The following LRPPRC variants were observed in gnomAD, a reference collection of about 807,000 sequenced individuals.
LRPPRC encodes leucine rich pentatricopeptide repeat containing, also known as leucine-rich PPR motif-containing protein, mitochondrial.
A neutral mutation model predicts 180.3 loss-of-function variants in LRPPRC; 120 were observed. The observed-to-expected ratio is 0.67, with a 90% CI of 0.57 to 0.77. The LOEUF is 0.77. LRPPRC is among the 30% of genes least tolerant of loss of function. The pLI, the probability that LRPPRC is intolerant of heterozygous loss-of-function variation, is 0.00. For synonymous variants in LRPPRC, 723 were observed against 600.0 expected, an observed-to-expected ratio of 1.21 and a Z score of -3.00; for missense variants, 2,012 against 1,657.2, an observed-to-expected ratio of 1.21 and a Z score of -3.72.
chr2:43,928,867 A>G (rs370312868), intron 25 of LRPPRC, among the ~76,000 whole-genome samples: 1 of 152,196 alleles, frequency 6.6e-6, no homozygotes, highest in East Asian at 1.9e-4. Context: ...TGTGCAGTCA[A>G]AAATCCACAT....
chr2:43,975,417 AAAT>A (rs925129892), intron 6 of LRPPRC, among the ~76,000 whole-genome samples, 200 bp from the exon 7 acceptor site: 6 of 152,300 alleles, frequency 3.9e-5, no homozygotes, highest in Admixed American at 1.3e-4. Context: ...CCCCATTAAA[AAAT>A]AATAATAATT....
chr2:43,965,586 C>T lies in LRPPRC; in HGVS notation c.1370-1880G>A, dbSNP rs532493292. On this transcript the variant is annotated intron_variant, in intron 11 of 37. Coordinates refer to ENST00000260665, the MANE Select transcript of LRPPRC (RefSeq NM_133259.4). ...AAATGAAAAGGCGACCTATGGAATG[C>T]GAGAAAATATTTGCAAACCACGTAT... Among the ~76,000 whole-genome samples the T allele has an allele frequency of 2.6e-5, 4 of 152,086 alleles. No individual in the cohort carries two copies. In the South Asian group the frequency reaches 6.2e-4, roughly 24 times the overall value.
At chr2:43,964,789 T>C (rs187148172) in intron 11 of LRPPRC, among the ~76,000 whole-genome samples, 2 of 152,342 alleles carry the variant, frequency 1.3e-5, no homozygotes, top group East Asian at 1.9e-4. Context: ...TACCTAATAC[T>C]GGCCTAAAAA....
At position 43,889,855 on chromosome 2, in the gene LRPPRC, G is replaced by C. The variant is rs1022634965; in HGVS notation, c.4007C>G (p.Ser1336Cys). 1.2e-6 allele frequency: 2 copies of C among 1,608,376 alleles called. No homozygotes were observed. The highest frequency in any genetic ancestry group is 2.7e-5 in the African/African-American group (2 of 74,830). The change falls in exon 37 of 38, where the codon TCT (serine) becomes TGT (cysteine). Residue 1336 changes from serine to cysteine, a missense_variant. By Grantham distance (112) the Ser-to-Cys change is moderately radical (BLOSUM62 -1). Transcript: ENST00000260665. The part of the protein sequence containing the change: ...KSYVSEKDVT[S>C]AKALYEHLTA... ...CAAATGTTCATACAGTGCTTTAGCA[G>C]ATGTGACATCTTTCTCTGAGACTGA...
At chr2:43,925,710 T>G (rs1671853085) in intron 26 of LRPPRC, among the ~76,000 whole-genome samples, 183 bp downstream of exon 26, 1 of 152,166 alleles carries the variant, frequency 6.6e-6, no homozygotes, top group Non-Finnish European at 1.5e-5. Context: ...GTTAACAGTT[T>G]AGGGTTTCTA....
intron 31 of LRPPRC, chr2:43,904,441 C>G (rs983379112): frequency 1.3e-5 from 2 of 152,016 alleles, no homozygotes; most frequent in Non-Finnish European, 2.9e-5. Flanking sequence ...GCCTGTAATC[C>G]CAGCACTTTG....
chr2:43,915,053 CAAAAAAA>C (rs71393213), intron 29 of LRPPRC, among the ~76,000 whole-genome samples: 2 of 96,892 alleles, frequency 2.1e-5, no homozygotes, highest in South Asian at 3.4e-4. Flanking sequence ...ACTAAAAATA[CAAAAAAA>C]AAAAAAAAAA....
intron 3 of LRPPRC, among the ~76,000 whole-genome samples, chr2:43,979,144 AC>A (rs1674189649): frequency 6.8e-6 from 1 of 147,284 alleles, no homozygotes; most frequent in East Asian, 1.9e-4. Context: ...GTACTATGTT[AC>A]ATGACATAAA....
At chr2:43,958,024 CTGAG>C (rs1156328477) in intron 13 of LRPPRC, among the ~76,000 whole-genome samples, 1 of 152,190 alleles carries the variant, frequency 6.6e-6, no homozygotes, top group Non-Finnish European at 1.5e-5. Context: ...TTTCACTTTT[CTGAG>C]TATTTGTTTG....
intron 11 of LRPPRC, 169 bp from the exon 12 acceptor site, chr2:43,963,875 A>C (rs1673453003): frequency 1.6e-6 from 1 of 636,132 alleles, no homozygotes. Context: ...TGATAAAAAA[A>C]TTAACTCCTC....
chr2:43,893,551 C>T (rs4500989), intron 36 of LRPPRC, among the ~76,000 whole-genome samples: 94,602 of 152,106 alleles, frequency 0.62, 31,389 homozygotes, highest in East Asian at 0.95. Context: ...TTAGCAATAT[C>T]TTAAAATTAA....
chr2:43,935,065 G>T (rs1250633215), intron 23 of LRPPRC, among the ~76,000 whole-genome samples, 187 bp from the exon 24 acceptor site: 2 of 152,120 alleles, frequency 1.3e-5, no homozygotes, highest in East Asian at 3.9e-4. Flanking sequence ...TAAATGTTCA[G>T]AAAACATACA....
At chr2:43,923,702 G>GTTT (rs796502073) in intron 27 of LRPPRC, among the ~76,000 whole-genome samples, 4 of 137,610 alleles carry the variant, frequency 2.9e-5, no homozygotes, top group African/African-American at 2.7e-5. Flanking sequence ...GGGCTTCATA[G>GTTT]TTTTTTTTTT....
chr2:43,925,677 A>G (rs1038404430), intron 26 of LRPPRC, among the ~76,000 whole-genome samples: 3 of 152,206 alleles, frequency 2.0e-5, no homozygotes, highest in African/African-American at 7.2e-5. Flanking sequence ...CAACTAGTTA[A>G]AGATAATATC....
intron 34 of LRPPRC, among the ~76,000 whole-genome samples, chr2:43,898,640 T>C (rs1038833225): frequency 6.6e-6 from 1 of 152,204 alleles, no homozygotes; most frequent in Non-Finnish European, 1.5e-5. Flanking sequence ...GTTGCTAATT[T>C]AACTGAGAGT....
chr2:43,908,664 T>C (rs754648655), intron 30 of LRPPRC, among the ~76,000 whole-genome samples: 4 of 151,778 alleles, frequency 2.6e-5, no homozygotes, highest in Non-Finnish European at 5.9e-5. Context: ...TGGAATTACA[T>C]ACAGGCACGC....
intron 34 of LRPPRC, 85 bp from the exon 35 acceptor site, chr2:43,896,793 C>A: frequency 1.2e-6 from 1 of 836,842 alleles, no homozygotes; most frequent in Admixed American, 1.7e-5. Context: ...AGAAAGTTCA[C>A]AATAATACAG....
chr2:43,929,510 C>T (rs551460146), intron 25 of LRPPRC, among the ~76,000 whole-genome samples: 11 of 152,214 alleles, frequency 7.2e-5, no homozygotes, highest in African/African-American at 2.6e-4. Context: ...TCATGACATA[C>T]CTTTTTCTTA....
In LRPPRC at chr2:43,994,775, C is replaced by T. The variant is rs1325105891; in HGVS notation, c.149+1024G>A. ...AATACTATTAATAACCAAATGAACA[C>T]TTTCACCAACTTTTCTTTTCCCCTC... On this transcript the variant is annotated intron_variant, in intron 1 of 37. Coordinates refer to ENST00000260665, the MANE Select transcript of LRPPRC (RefSeq NM_133259.4). Among the ~76,000 whole-genome samples, 3 of 152,200 alleles carry T rather than the reference C, an allele frequency of 2.0e-5. No homozygotes were observed. The East Asian group carries it at 5.8e-4, about 29-fold the overall frequency.
Sources: gnomAD v4.1 joint callset for allele counts (sites outside exome capture counted in the v4.1 genomes callset) on GRCh38, gnomAD v4.1.1 for gene constraint, MANE v1.5 for transcripts, NCBI Gene and HGNC (gene_info 2026-07-23, HGNC 2026-07-21) for gene names.